OPRD1: variants seen among roughly 807,000 people sequenced by gnomAD.
OPRD1 encodes delta-type opioid receptor.
A neutral mutation model predicts 17.5 loss-of-function variants in OPRD1; 19 were observed. The observed-to-expected ratio is 1.09, with a 90% confidence interval of 0.76 to 1.60. OPRD1 has a LOEUF of 1.60. Ranked by LOEUF, OPRD1 falls within the 40% of genes most tolerant of loss-of-function variation. OPRD1 has a pLI of 0.00. For synonymous variants in OPRD1, 256 were observed against 240.9 expected (o/e 1.06, Z -0.58); for missense variants, 483 against 547.2 (o/e 0.88, Z 1.17).
chr1:28,821,309 G>T (rs1300335500), intron 1 of OPRD1, among the ~76,000 whole-genome samples: 1 of 152,014 alleles, frequency 6.6e-6, no homozygotes, highest in Non-Finnish European at 1.5e-5. Flanking sequence ...CACCATCTTG[G>T]CCAGGCTGGT....
chr1:28,863,288 G>T lies in OPRD1; in HGVS notation c.*5G>T, dbSNP rs555836624. On this transcript the variant is annotated 3_prime_UTR_variant, in exon 3 of 3. Transcript: ENST00000234961. ...GGCGGTGGCGCTGCCGCCTGACCAG[G>T]CCATCCGGCCCCCAGAGCGCCCCTC... The T allele has an allele frequency of 1.7e-5, 24 of 1,425,074 alleles. No individual in the cohort carries two copies. In the East Asian group the frequency reaches 6.2e-4, roughly 37 times the overall value. The allele number at this position is 1,425,074 out of a possible 1,614,324, so 88.3% of individuals were successfully genotyped here.
At chr1:28,847,113 G>A (rs879386649) in intron 1 of OPRD1, among the ~76,000 whole-genome samples, 2 of 150,806 alleles carry the variant, frequency 1.3e-5, no homozygotes, top group Non-Finnish European at 2.9e-5. Context: ...GTTCAGTGGC[G>A]CGATCTCAGC....
At chr1:28,832,990 T>C (rs1027295425) in intron 1 of OPRD1, among the ~76,000 whole-genome samples, 1 of 152,146 alleles carries the variant, frequency 6.6e-6, no homozygotes, top group Non-Finnish European at 1.5e-5. Context: ...ACTGAAACAT[T>C]AAGCTGGCAG....
At chr1:28,837,214 A>T (rs942583134) in intron 1 of OPRD1, among the ~76,000 whole-genome samples, 3 of 152,130 alleles carry the variant, frequency 2.0e-5, no homozygotes, top group African/African-American at 7.2e-5. Context: ...TCCTATGAGA[A>T]TCTAATGCCA....
chr1:28,846,509 C>T (rs514991), intron 1 of OPRD1, among the ~76,000 whole-genome samples: 64,207 of 151,544 alleles, frequency 0.42, 15,301 homozygotes, highest in East Asian at 0.87. Flanking sequence ...ATAGTGAAAC[C>T]GCATCTCTAC....
intron 1 of OPRD1, among the ~76,000 whole-genome samples, chr1:28,826,548 G>A (rs898440415): frequency 6.6e-6 from 1 of 151,984 alleles, no homozygotes; most frequent in Non-Finnish European, 1.5e-5. Flanking sequence ...TGTTTATACT[G>A]TAGTCTATTA....
At chr1:28,862,652 C>T in intron 2 of OPRD1, 90 bp from the exon 3 acceptor site, 1 of 1,307,652 alleles carries the variant, frequency 7.6e-7, no homozygotes, top group Admixed American at 2.6e-5. Context: ...GGGACTTGCC[C>T]AAGCCTTGAA....
At chr1:28,851,008 T>C (rs2147745649) in intron 1 of OPRD1, among the ~76,000 whole-genome samples, 1 of 151,984 alleles carries the variant, frequency 6.6e-6, no homozygotes, top group Middle Eastern at 3.4e-3. Context: ...CGTTTTATAC[T>C]GAAGGACATG....
At chr1:28,830,976 C>T (rs551946119) in intron 1 of OPRD1, among the ~76,000 whole-genome samples, 16 of 152,350 alleles carry the variant, frequency 1.1e-4, no homozygotes, top group African/African-American at 3.4e-4. Flanking sequence ...TAAGCCAGAG[C>T]GGAGATGCTG....
intron 1 of OPRD1, among the ~76,000 whole-genome samples, chr1:28,819,832 G>A (rs1293685218): frequency 6.6e-6 from 1 of 152,180 alleles, no homozygotes; most frequent in East Asian, 1.9e-4. Context: ...AGGGTAGATT[G>A]CTGTCTGCAA....
intron 1 of OPRD1, among the ~76,000 whole-genome samples, chr1:28,842,967 G>GAA (rs985642016): frequency 6.7e-6 from 1 of 149,012 alleles, no homozygotes; most frequent in African/African-American, 2.5e-5. Flanking sequence ...AGCTACTTGG[G>GAA]AAAAAAAAAA....
At chr1:28,818,763 G>A (rs1264074292) in intron 1 of OPRD1, among the ~76,000 whole-genome samples, 3 of 152,174 alleles carry the variant, frequency 2.0e-5, no homozygotes, top group African/African-American at 7.2e-5. Flanking sequence ...CCAGGTAATT[G>A]GAGGCAGGTG....
At position 28,862,735 on chromosome 1, in the gene OPRD1, G is replaced by A; in HGVS notation, c.578-7G>A. 2 of 1,581,970 alleles carry A rather than the reference G, an allele frequency of 1.3e-6. No homozygotes were observed. The highest frequency in any genetic ancestry group is 2.2e-5 in the East Asian group (1 of 44,516). On this transcript the variant is annotated splice_polypyrimidine_tract_variant and splice_region_variant and intron_variant, in intron 2 of 2. Transcript: ENST00000234961. ...CCCGTCTGTCTTTCCTTGTTTCCGCGGCCCAGACGGGGCAGTGGTGTGCAT... is the reference window on the plus strand; with the variant it reads ...CCCGTCTGTCTTTCCTTGTTTCCGCAGCCCAGACGGGGCAGTGGTGTGCAT...
At chr1:28,862,713 G>C (rs572660798) in intron 2 of OPRD1, 29 bp from the exon 3 acceptor site, 6 of 1,556,316 alleles carry the variant, frequency 3.9e-6, no homozygotes, top group Non-Finnish European at 5.2e-6. Flanking sequence ...CCCTCACCCC[G>C]TCTGTCTTTC....
chr1:28,833,487 T>C (rs1160570699), intron 1 of OPRD1, among the ~76,000 whole-genome samples: 1 of 152,168 alleles, frequency 6.6e-6, no homozygotes, highest in Non-Finnish European at 1.5e-5. Flanking sequence ...GAGGTGGAGT[T>C]TCTTCTGAGA....
chr1:28,812,698 G>C (rs2088642854), intron 1 of OPRD1, 88 bp downstream of exon 1: 3 of 1,194,052 alleles, frequency 2.5e-6, no homozygotes, highest in Non-Finnish European at 3.3e-6. Flanking sequence ...CCGTTCCCTG[G>C]ACTCCCCGCG....
At chr1:28,813,784 G>C (rs1456926979) in intron 1 of OPRD1, among the ~76,000 whole-genome samples, 1 of 152,206 alleles carries the variant, frequency 6.6e-6, no homozygotes, top group Non-Finnish European at 1.5e-5. Context: ...GCATAGGTCA[G>C]GTCGTGGACT....
chr1:28,823,989 C>A (rs2088740207), intron 1 of OPRD1, among the ~76,000 whole-genome samples: 1 of 150,796 alleles, frequency 6.6e-6, no homozygotes. Flanking sequence ...ACCAGCCTGG[C>A]CAACATGGTG....
At chr1:28,828,556 T>C (rs942902662) in intron 1 of OPRD1, among the ~76,000 whole-genome samples, 1 of 151,982 alleles carries the variant, frequency 6.6e-6, no homozygotes, top group Non-Finnish European at 1.5e-5. Context: ...GTGCGGTGGC[T>C]CATACCTGTA....
Sources: gnomAD v4.1 joint callset for allele counts (sites outside exome capture counted in the v4.1 genomes callset) on GRCh38, gnomAD v4.1.1 for gene constraint, MANE v1.5 for transcripts, NCBI Gene and HGNC (gene_info 2026-07-23, HGNC 2026-07-21) for gene names.